Variants in WDR11 observed in about 807,000 individuals in gnomAD.
WDR11 encodes WD repeat domain 11, also known as WD repeat-containing protein 11.
A neutral mutation model predicts 151.2 loss-of-function variants in WDR11; 83 were observed. The ratio of observed to expected loss-of-function variants is 0.55; its 90% CI spans 0.46 to 0.66. The LOEUF is 0.66. Ranked by LOEUF, WDR11 falls within the 30% of genes least tolerant of loss-of-function variation. The pLI, the probability that WDR11 is intolerant of heterozygous loss-of-function variation, is 0.00. For missense variants in WDR11, 1,301 were observed against 1,480.9 expected (o/e 0.88, Z 1.99); for synonymous variants, 484 against 533.1 (o/e 0.91, Z 1.27).
chr10:120,903,559 T>TA (rs375856173), intron 23 of WDR11, among the ~76,000 whole-genome samples: 5,630 of 133,328 alleles, frequency 0.042, 370 homozygotes, highest in African/African-American at 0.14. Context: ...ACATTTGCAT[T>TA]AAAAAAAAAG....
rs764765497 is a variant in WDR11 at position 120,889,138 on chromosome 10, A to G, written c.2182A>G (p.Met728Val). Reference protein sequence around the residue: ...WKGDTLVLGDMDGNLNFWDLK... With the variant: ...WKGDTLVLGDVDGNLNFWDLK... ...AGGTGATACATTAGTGCTTGGAGAT[A>G]TGGATGGAAATTTAAATTTCTGGGA... Residue 728 changes from methionine to valine, a missense_variant, in exon 17 of 29, where the codon ATG (methionine) becomes GTG (valine). Physicochemically the swap from Met to Val is conservative, Grantham distance 21. Transcript: ENST00000263461. 6.2e-7 allele frequency: 1 copy of G among 1,614,014 alleles called. No homozygotes were observed. The highest frequency in any genetic ancestry group is 8.5e-7 in the Non-Finnish European group (1 of 1,179,938).
intron 11 of WDR11, among the ~76,000 whole-genome samples, chr10:120,874,992 T>C (rs887358184): frequency 3.3e-5 from 5 of 151,820 alleles, no homozygotes; most frequent in African/African-American, 1.2e-4. Context: ...TAGGCCCCAG[T>C]GTGTGATGTT....
intron 12 of WDR11, among the ~76,000 whole-genome samples, 157 bp downstream of exon 12, chr10:120,878,616 G>A (rs565178892): frequency 6.6e-6 from 1 of 151,968 alleles, no homozygotes; most frequent in Non-Finnish European, 1.5e-5. Flanking sequence ...CCCTAGAAAG[G>A]CCTCATCATT....
intron 11 of WDR11, among the ~76,000 whole-genome samples, chr10:120,877,138 G>A (rs1267928305): frequency 6.6e-6 from 1 of 152,090 alleles, no homozygotes. Flanking sequence ...TTATTATCCT[G>A]GATTAGTCAG....
At chr10:120,861,380 A>G (rs1025520840) in intron 4 of WDR11, among the ~76,000 whole-genome samples, 6 of 152,230 alleles carry the variant, frequency 3.9e-5, no homozygotes, top group African/African-American at 1.4e-4. Flanking sequence ...GTGCATACAT[A>G]CACTCACTTG....
At chr10:120,903,016 G>A (rs927759936) in intron 22 of WDR11, 39 bp from the exon 23 acceptor site, 13 of 1,609,656 alleles carry the variant, frequency 8.1e-6, no homozygotes, top group Non-Finnish European at 1.0e-5. Context: ...CAGGCCAGGT[G>A]TGCTGAGTGC....
intron 22 of WDR11, 109 bp from the exon 23 acceptor site, chr10:120,902,946 T>A: frequency 8.7e-7 from 1 of 1,150,028 alleles, no homozygotes; most frequent in African/African-American, 1.5e-5. Flanking sequence ...CATGCCAGTA[T>A]CCCAGTGGAT....
rs377423543 is a variant in WDR11, at chr10:120,880,934, T to G, written c.1739+33T>G. 46 of 1,549,178 alleles carry G rather than the reference T, an allele frequency of 3.0e-5. No individual in the cohort carries two copies. In the East Asian group the frequency reaches 6.3e-4, roughly 21 times the overall value. On this transcript the variant is annotated intron_variant, in intron 13 of 28. Coordinates refer to ENST00000263461, the MANE Select transcript of WDR11 (RefSeq NM_018117.12). ...TCAACCTAAAAAAAAATCTATGGTG[T>G]TATCACAATGAAATCTCGTGGATTT...
intron 13 of WDR11, 27 bp downstream of exon 13, chr10:120,880,928 A>G (rs371797748): frequency 1.9e-6 from 3 of 1,560,312 alleles, no homozygotes; most frequent in Non-Finnish European, 1.7e-6. Context: ...AAAAAAATCT[A>G]TGGTGTTATC....
Position 120,867,161 on chromosome 10 carries a change from A to G in WDR11, c.1286A>G (p.Asn429Ser). The change falls in exon 9 of 29, where the codon AAC becomes AGC. Residue 429 changes from asparagine to serine, a missense_variant. Coordinates refer to ENST00000263461, the MANE Select transcript of WDR11 (RefSeq NM_018117.12). ...QNKLPDLSLD[N>S]MIGQSAIAGE... ...AAACTCCCAGACCTTTCCTTAGATA[A>G]CATGATTGGTAAGCTTTTTTCCCCT... 1 of 1,612,628 alleles carries G rather than the reference A, an allele frequency of 6.2e-7. No homozygotes were observed. Among genetic ancestry groups the G allele is most frequent in the Non-Finnish European group, 8.5e-7 (1 of 1,178,762 alleles).
chr10:120,865,580 C>G, intron 6 of WDR11, 50 bp from the exon 7 acceptor site: 1 of 1,260,034 alleles, frequency 7.9e-7, no homozygotes. Context: ...ACAGTATATA[C>G]TTTATTAATC....
At chr10:120,886,886 G>A (rs1056328373) in intron 16 of WDR11, 50 bp downstream of exon 16, 20 of 1,605,692 alleles carry the variant, frequency 1.2e-5, no homozygotes, top group Middle Eastern at 1.7e-4. Context: ...TGTTTTGTTG[G>A]TTCCATATCC....
At chr10:120,859,974 CACA>C in intron 3 of WDR11, 132 bp from the exon 4 acceptor site, 1 of 899,550 alleles carries the variant, frequency 1.1e-6, no homozygotes, top group East Asian at 2.6e-5. Flanking sequence ...CACACACACA[CACA>C]CGTCACATTT....
At position 120,890,725 on chromosome 10, in the gene WDR11, G is replaced by A; in HGVS notation, c.2353G>A (p.Val785Met). The change falls in exon 19 of 29, where the codon GTG (valine) becomes ATG (methionine). Residue 785 changes from valine (V) to methionine (M), a missense_variant. Coordinates refer to ENST00000263461, the MANE Select transcript of WDR11 (RefSeq NM_018117.12). ...EVWDTKEVQM[V>M]SSLRSGRNVT... is the part of the protein sequence containing the mutation. ...AAATTCACTCTTGAAGGTTCAGATG[G>A]TGAGCAGTTTAAGAAGTGGCAGAAA... The A allele has an allele frequency of 6.2e-7, 1 of 1,614,166 alleles. No homozygotes were observed. The highest frequency in any genetic ancestry group is 1.1e-5 in the South Asian group (1 of 91,080).
intron 2 of WDR11, 74 bp from the exon 3 acceptor site, chr10:120,858,569 T>G (rs906756095): frequency 4.9e-5 from 76 of 1,560,700 alleles, no homozygotes; most frequent in Admixed American, 6.7e-5. Context: ...GGGTTCTGGT[T>G]GATGTTTTGT....
At chr10:120,890,594 G>C in intron 18 of WDR11, 122 bp from the exon 19 acceptor site, 1 of 1,069,314 alleles carries the variant, frequency 9.4e-7, no homozygotes, top group Non-Finnish European at 1.5e-6. Flanking sequence ...ATTGCCAGAG[G>C]CTGTTCAGTT....
intron 11 of WDR11, among the ~76,000 whole-genome samples, chr10:120,876,040 G>A (rs1469351731): frequency 2.0e-5 from 3 of 146,954 alleles, no homozygotes; most frequent in African/African-American, 7.6e-5. Context: ...GTGGAATGGC[G>A]CTATCTTAGC....
At position 120,908,618 on chromosome 10, in the gene WDR11, C is replaced by T. The variant is rs779727179; in HGVS notation, c.3580C>T (p.Gln1194Ter). Residue 1194 changes from glutamine to a stop codon, truncating the protein, a stop_gained, in exon 29 of 29, where the codon CAG (glutamine) becomes TAG (stop). Coordinates refer to ENST00000263461, the MANE Select transcript of WDR11 (RefSeq NM_018117.12). LOFTEE classifies it high-confidence loss of function. The part of the protein sequence containing the change: ...ARSLKNLGFK[Q>*]GAVLFASKAG... ...GAGTTTGAAGAACCTCGGTTTTAAGCAGGGAGCAGTTCTCTTTGCTTCAAA... is the reference window on the plus strand; with the variant it reads ...GAGTTTGAAGAACCTCGGTTTTAAGTAGGGAGCAGTTCTCTTTGCTTCAAA... 1 of 1,614,054 alleles carries T rather than the reference C, an allele frequency of 6.2e-7. No individual in the cohort carries two copies. The highest frequency in any genetic ancestry group is 1.3e-5 in the African/African-American group (1 of 74,928).
At chr10:120,857,482 A>G (rs1386285723) in intron 2 of WDR11, among the ~76,000 whole-genome samples, 2 of 152,218 alleles carry the variant, frequency 1.3e-5, no homozygotes, top group East Asian at 1.9e-4. Flanking sequence ...TACACATTCT[A>G]TACCTATGAA....
Sources: gnomAD v4.1 joint callset for allele counts (sites outside exome capture counted in the v4.1 genomes callset) on GRCh38, gnomAD v4.1.1 for gene constraint, MANE v1.5 for transcripts, NCBI Gene and HGNC (gene_info 2026-07-23, HGNC 2026-07-21) for gene names.